The following ADGB variants were observed in gnomAD, a reference collection of about 807,000 sequenced individuals.
ADGB encodes the protein androglobin, also known as calpain-7-like protein.
A neutral mutation model predicts 210.5 loss-of-function variants in ADGB; 172 were observed. That is an observed-to-expected ratio of 0.82 (90% CI 0.72 to 0.93). The LOEUF is 0.93. Among genes scored for constraint, ADGB ranks in the 40% least tolerant of loss-of-function variants. ADGB has a pLI of 0.00. For missense variants in ADGB, 2,025 were observed against 1,964.8 expected (o/e 1.03, Z -0.58); for synonymous variants, 658 against 662.7 (o/e 0.99, Z 0.11).
chr6:146,699,356 G>T (rs1458535537), intron 12 of ADGB, among the ~76,000 whole-genome samples: 2 of 152,156 alleles, frequency 1.3e-5, no homozygotes, highest in African/African-American at 4.8e-5. Context: ...CCAGGGAGTT[G>T]TTGGTGCAAG....
At chr6:146,807,111 A>ATAT (rs1778223073) in intron 35 of ADGB, among the ~76,000 whole-genome samples, 1 of 152,224 alleles carries the variant, frequency 6.6e-6, no homozygotes, top group East Asian at 1.9e-4. Flanking sequence ...CATATAGATT[A>ATAT]TATTTGAAAT....
chr6:146,622,161 G>T (rs1193758670), intron 1 of ADGB, among the ~76,000 whole-genome samples: 1 of 152,032 alleles, frequency 6.6e-6, no homozygotes, highest in Non-Finnish European at 1.5e-5. Flanking sequence ...CTATTCATGT[G>T]TTTATTTGCC....
At position 146,752,404 on chromosome 6, in the gene ADGB, TCAAA is replaced by T. The variant is rs1455787174; in HGVS notation, c.3366-123_3366-120del. On this transcript the variant is annotated intron_variant, in intron 26 of 35. Coordinates refer to ENST00000397944, the MANE Select transcript of ADGB (RefSeq NM_024694.4). ...CAATTACCTCTCACCAGGCCCCACC[TCAAA>T]CAGTGAGGGTCACAGTTTGACAGCA... The T allele has an allele frequency of 3.6e-6, 3 of 835,842 alleles. No individual in the cohort carries two copies. The East Asian group carries it at 8.2e-5, about 23-fold the overall frequency. The allele number at this position is 835,842 out of a possible 1,614,324, so 51.8% of individuals were successfully genotyped here.
chr6:146,742,937 T>C lies in ADGB; in HGVS notation c.3177+1666T>C, dbSNP rs573450384. On this transcript the variant is annotated intron_variant, in intron 25 of 35. Coordinates refer to ENST00000397944, the MANE Select transcript of ADGB (RefSeq NM_024694.4). ...AGTTAGTGTTAGTGCATTTTATGCA[T>C]GGCCCAAGACAATTCTTCCACTGTG... 2.6e-5 allele frequency among the ~76,000 whole-genome samples: 4 copies of C among 152,314 alleles called. No homozygotes were observed. The East Asian group carries it at 7.7e-4, about 29-fold the overall frequency.
At chr6:146,744,125 A>T (rs1777195697) in intron 25 of ADGB, among the ~76,000 whole-genome samples, 1 of 152,166 alleles carries the variant, frequency 6.6e-6, no homozygotes, top group Non-Finnish European at 1.5e-5. Context: ...GACCCACAAA[A>T]CATAAAGAGG....
intron 1 of ADGB, 119 bp from the exon 2 acceptor site, chr6:146,635,256 T>A (rs1775401440): frequency 1.1e-6 from 1 of 902,464 alleles, no homozygotes; most frequent in South Asian, 4.6e-5. Flanking sequence ...ATGATTGTAT[T>A]AAAAATGTAG....
intron 3 of ADGB, among the ~76,000 whole-genome samples, chr6:146,646,398 G>C (rs1438743239): frequency 2.6e-5 from 4 of 152,132 alleles, no homozygotes; most frequent in Non-Finnish European, 4.4e-5. Flanking sequence ...AATAGAGGTA[G>C]ACAGGTGTTT....
In ADGB at chr6:146,788,483, G is replaced by T. The variant is rs954863745; in HGVS notation, c.4410G>T (p.Ala1470=). ...TGACACAAACAGGATCAGGGAGTGC[G>T]GTGTGGAAGAAGTGGCAATTGACCA... ...KEMTQTGSGS[A]VWKKWQLTKG... The change falls in exon 33 of 36, where the codon GCG becomes GCT. Residue 1470 remains alanine, a synonymous_variant. Transcript: ENST00000397944. 12 of 1,551,602 alleles carry T rather than the reference G, an allele frequency of 7.7e-6. No homozygotes were observed. The highest frequency in any genetic ancestry group is 3.3e-4 in the Middle Eastern group (2 of 5,994).
chr6:146,667,435 T>A (rs9485107), intron 7 of ADGB, among the ~76,000 whole-genome samples: 3,942 of 152,106 alleles, frequency 0.026, 158 homozygotes, highest in African/African-American at 0.088. Context: ...AGGGGCAGGA[T>A]ACCTCTTGGT....
chr6:146,604,119 A>G (rs374653055), intron 1 of ADGB, among the ~76,000 whole-genome samples: 1 of 152,124 alleles, frequency 6.6e-6, no homozygotes, highest in South Asian at 2.1e-4. Context: ...CTCAACAACT[A>G]TAGTCAATTA....
intron 35 of ADGB, among the ~76,000 whole-genome samples, chr6:146,812,478 A>C (rs1258778841): frequency 3.3e-5 from 5 of 152,254 alleles, no homozygotes; most frequent in Non-Finnish European, 1.5e-5. Flanking sequence ...AGGAAAAGGC[A>C]GGTAGGTGGT....
chr6:146,780,495 A>G (rs1012359888), intron 29 of ADGB, among the ~76,000 whole-genome samples: 25 of 152,148 alleles, frequency 1.6e-4, no homozygotes, highest in Non-Finnish European at 2.6e-4. Flanking sequence ...GAGCAAAAAT[A>G]TGGAAAAAAC....
At position 146,769,120 on chromosome 6, in the gene ADGB, G is replaced by C; in HGVS notation, c.3851G>C (p.Ser1284Thr). The change falls in exon 29 of 36, where the codon AGT becomes ACT. Residue 1284 changes from serine (S) to threonine (T), a missense_variant. By Grantham distance (58) the Ser-to-Thr change is moderately conservative (BLOSUM62 1). Coordinates refer to ENST00000397944, the MANE Select transcript of ADGB (RefSeq NM_024694.4). ...CAAGCACTGAAAGACTTAAAGAAAA[G>C]TAATACCAAAGGTATGTCACCCTAA... ...FVQALKDLKK[S>T]NTKAYGERHE... The C allele has an allele frequency of 6.6e-7, 1 of 1,516,514 alleles. No individual in the cohort carries two copies. Among genetic ancestry groups the C allele is most frequent in the South Asian group, 1.3e-5 (1 of 79,952 alleles). The allele number at this position is 1,516,514 out of a possible 1,614,324, so 93.9% of individuals were successfully genotyped here. A position where few individuals can be genotyped will look rare whatever the true frequency, so the allele number is the denominator to read the frequency against.
At chr6:146,621,124 A>G (rs1780887084) in intron 1 of ADGB, among the ~76,000 whole-genome samples, 1 of 152,242 alleles carries the variant, frequency 6.6e-6, no homozygotes, top group East Asian at 1.9e-4. Context: ...CCATAACTAT[A>G]TTGCATCCCT....
intron 12 of ADGB, among the ~76,000 whole-genome samples, chr6:146,699,340 G>A (rs1382503047): frequency 3.3e-5 from 5 of 152,138 alleles, no homozygotes; most frequent in South Asian, 2.1e-4. Context: ...CAAAGGTAAC[G>A]AGAATCCAGG....
chr6:146,801,961 G>GAGC lies in ADGB; in HGVS notation c.4769_4771dup (p.Glu1590_Arg1591insGln), dbSNP rs747697847. On this transcript the variant is annotated inframe_insertion, in exon 35 of 36. Coordinates refer to ENST00000397944, the MANE Select transcript of ADGB (RefSeq NM_024694.4). Reference sequence around the variant, plus strand: ...TAGCATTCGAAACATTGACCAAGAAGAGCGGTTGAAGTTAAAGGATGAAGT... The same window carrying GAGC: ...TAGCATTCGAAACATTGACCAAGAAGAGCAGCGGTTGAAGTTAAAGGATGAAGT... 6.5e-7 allele frequency: 1 copy of GAGC among 1,550,302 alleles called. No individual in the cohort carries two copies. Among genetic ancestry groups the GAGC allele is most frequent in the African/African-American group, 1.4e-5 (1 of 73,068 alleles).
At chr6:146,615,012 T>C (rs1780775194) in intron 1 of ADGB, among the ~76,000 whole-genome samples, 1 of 151,854 alleles carries the variant, frequency 6.6e-6, no homozygotes, top group Admixed American at 6.5e-5. Context: ...GCCATTGTCT[T>C]GCCTCAGCCT....
chr6:146,758,532 A>C (rs1777442121), intron 27 of ADGB, among the ~76,000 whole-genome samples: 1 of 152,036 alleles, frequency 6.6e-6, no homozygotes. Flanking sequence ...AAGTATTTAA[A>C]ACCAATTTTT....
chr6:146,705,723 T>C (rs1416179067), intron 13 of ADGB, among the ~76,000 whole-genome samples: 1 of 152,180 alleles, frequency 6.6e-6, no homozygotes, highest in Non-Finnish European at 1.5e-5. Context: ...ATCAGCGATA[T>C]TGACCTAAGG....
Sources: allele counts gnomAD v4.1 joint callset (sites outside exome capture counted in the v4.1 genomes callset), GRCh38; gene constraint gnomAD v4.1.1; transcripts MANE v1.5; gene names NCBI Gene and HGNC (gene_info 2026-07-23, HGNC 2026-07-21).